Variants in LRBA observed in about 807,000 individuals in gnomAD.
LRBA encodes the protein lipopolysaccharide-responsive and beige-like anchor protein.
Under a neutral mutation model 330.0 loss-of-function variants are expected in LRBA, and 176 were observed. The ratio of observed to expected loss-of-function variants is 0.53; its 90% CI spans 0.47 to 0.60. The LOEUF is 0.60. Ranked by LOEUF, LRBA falls within the 20% of genes least tolerant of loss-of-function variation. The probability of loss-of-function intolerance (pLI) is 0.00; values close to 1 mark genes in which losing one functional copy is unlikely to be tolerated. For missense variants in LRBA, 3,259 were observed against 3,444.8 expected (o/e 0.95, Z 1.35); for synonymous variants, 1,230 against 1,193.0 (o/e 1.03, Z -0.64).
chr4:150,487,982 G>GT (rs1193950102), intron 41 of LRBA, 148 bp from the exon 42 acceptor site: 1 of 400,424 alleles, frequency 2.5e-6, no homozygotes, highest in Non-Finnish European at 4.6e-6. Flanking sequence ...TATATATCAA[G>GT]TTTTAGTATT....
chr4:150,391,187 C>G (rs942032806), intron 47 of LRBA, among the ~76,000 whole-genome samples: 1 of 152,106 alleles, frequency 6.6e-6, no homozygotes, highest in African/African-American at 2.4e-5. Flanking sequence ...TGTGGATATA[C>G]GGGGTGACTG....
At chr4:150,438,507 A>T (rs1751424113) in intron 44 of LRBA, among the ~76,000 whole-genome samples, 2 of 152,126 alleles carry the variant, frequency 1.3e-5, no homozygotes, top group Admixed American at 6.5e-5. Flanking sequence ...ATTAATAAAT[A>T]AAAAATTCTT....
intron 38 of LRBA, among the ~76,000 whole-genome samples, chr4:150,593,634 G>A (rs946738853): frequency 2.6e-5 from 4 of 152,014 alleles, no homozygotes; most frequent in Admixed American, 6.6e-5. Flanking sequence ...CATTTTAAAA[G>A]GTTAAATGAG....
Position 150,867,801 on chromosome 4 carries a change from T to C in LRBA, c.2636A>G (p.Lys879Arg), listed in dbSNP as rs906755821. Residue 879 changes from lysine to arginine, a missense_variant, in exon 22 of 57, where the codon AAG (lysine) becomes AGG (arginine). Transcript: ENST00000651943. ...WMLSLCYFNP[K>R]NSDEQKITEM... ...TGTTATCTTTTGCTCATCTGAATTCTTAGGATTAAAATAGCAGAGAGAAAG... is the reference window on the plus strand; with the variant it reads ...TGTTATCTTTTGCTCATCTGAATTCCTAGGATTAAAATAGCAGAGAGAAAG... 8 of 1,613,714 alleles carry C rather than the reference T, an allele frequency of 5.0e-6. No individual in the cohort carries two copies. Among genetic ancestry groups the C allele is most frequent in the Admixed American group, 1.7e-5 (1 of 59,982 alleles).
At chr4:150,531,599 T>C (rs936892998) in intron 40 of LRBA, among the ~76,000 whole-genome samples, 1 of 152,216 alleles carries the variant, frequency 6.6e-6, no homozygotes, top group Non-Finnish European at 1.5e-5. Flanking sequence ...ACACTTAGAA[T>C]AAATTTTCTA....
At chr4:150,980,789 T>TTAATTAAA in intron 2 of LRBA, among the ~76,000 whole-genome samples, 1 of 152,276 alleles carries the variant, frequency 6.6e-6, no homozygotes, top group East Asian at 1.9e-4. Flanking sequence ...AGTAAAGTTG[T>TTAATTAAA]AGAATACAAA....
chr4:150,564,523 A>T (rs557680596), intron 40 of LRBA, among the ~76,000 whole-genome samples: 23 of 152,330 alleles, frequency 1.5e-4, no homozygotes, highest in African/African-American at 5.1e-4. Context: ...CAACAAAGCC[A>T]AAATAGACAA....
chr4:150,954,243 G>A (rs200134123), intron 2 of LRBA, among the ~76,000 whole-genome samples: 7 of 150,466 alleles, frequency 4.7e-5, no homozygotes, highest in South Asian at 2.1e-4. Flanking sequence ...CCCTCTGCCC[G>A]GCCGCCACCC....
At chr4:150,756,312 G>C (rs1734292160) in intron 35 of LRBA, among the ~76,000 whole-genome samples, 1 of 152,078 alleles carries the variant, frequency 6.6e-6, no homozygotes, top group South Asian at 2.1e-4. Flanking sequence ...GGGATCACAA[G>C]CAAGCTGGCA....
intron 44 of LRBA, among the ~76,000 whole-genome samples, chr4:150,437,604 TACTGG>T (rs1259362061): frequency 4.0e-5 from 6 of 151,196 alleles, no homozygotes; most frequent in Admixed American, 1.3e-4. Context: ...TATGAACTTA[TACTGG>T]AAAATAATAC....
At chr4:150,936,074 GC>G (rs1446539406) in intron 2 of LRBA, among the ~76,000 whole-genome samples, 1 of 151,064 alleles carries the variant, frequency 6.6e-6, no homozygotes, top group African/African-American at 2.4e-5. Context: ...AATGACACTT[GC>G]AAAAAAAAAA....
intron 47 of LRBA, among the ~76,000 whole-genome samples, chr4:150,408,585 C>CA (rs938870133): frequency 1.6e-4 from 25 of 152,008 alleles, no homozygotes; most frequent in African/African-American, 5.8e-4. Context: ...GAGGATATCA[C>CA]AAAAAAACTG....
At chr4:150,632,736 T>C (rs555833593) in intron 37 of LRBA, among the ~76,000 whole-genome samples, 1 of 152,302 alleles carries the variant, frequency 6.6e-6, no homozygotes, top group Admixed American at 6.5e-5. Context: ...TGCTACCAAT[T>C]ATCATCCAAC....
chr4:150,270,982 T>C (rs1308735428), intron 56 of LRBA, among the ~76,000 whole-genome samples: 1 of 152,184 alleles, frequency 6.6e-6, no homozygotes, highest in Non-Finnish European at 1.5e-5. Flanking sequence ...GGGTGGATGA[T>C]TTCTGCATTT....
intron 37 of LRBA, among the ~76,000 whole-genome samples, chr4:150,651,547 T>C (rs1301271086): frequency 6.6e-6 from 1 of 152,206 alleles, no homozygotes. Context: ...AATAAATCTA[T>C]AATATTTATG....
chr4:150,775,950 G>T (rs1176112551), intron 34 of LRBA, among the ~76,000 whole-genome samples: 2 of 151,746 alleles, frequency 1.3e-5, no homozygotes, highest in Non-Finnish European at 2.9e-5. Flanking sequence ...AGAAAAAAAA[G>T]AAAGAAAAAT....
intron 46 of LRBA, among the ~76,000 whole-genome samples, chr4:150,418,249 T>C (rs1170715867): frequency 6.6e-6 from 1 of 152,122 alleles, no homozygotes; most frequent in African/African-American, 2.4e-5. Flanking sequence ...AACTCTTGGC[T>C]TCAAGCAATC....
intron 37 of LRBA, among the ~76,000 whole-genome samples, chr4:150,663,552 A>G (rs898110875): frequency 2.1e-5 from 3 of 141,542 alleles, no homozygotes; most frequent in Non-Finnish European, 4.6e-5. Flanking sequence ...ACTTATGCTG[A>G]AAAAAAAAAA....
chr4:150,671,667 C>T (rs183814114), intron 37 of LRBA, among the ~76,000 whole-genome samples: 1 of 152,270 alleles, frequency 6.6e-6, no homozygotes, highest in East Asian at 1.9e-4. Context: ...GGACAAATAG[C>T]ATCCTTACTT....
Sources: allele counts gnomAD v4.1 joint callset (sites outside exome capture counted in the v4.1 genomes callset), GRCh38; gene constraint gnomAD v4.1.1; transcripts MANE v1.5; gene names NCBI Gene and HGNC (gene_info 2026-07-23, HGNC 2026-07-21).